Variants in LARGE1 observed in about 807,000 individuals in gnomAD.
LARGE1 encodes the protein LARGE xylosyl- and glucuronyltransferase 1.
In LARGE1, 43 loss-of-function variants were observed where a neutral mutation model predicts 87.6. That is an observed-to-expected ratio of 0.49 (90% CI 0.38 to 0.63). The LOEUF is 0.63. Among genes scored for constraint, LARGE1 ranks in the 30% least tolerant of loss-of-function variants. The probability of loss-of-function intolerance (pLI) is 0.00; values close to 1 mark genes in which losing one functional copy is unlikely to be tolerated. For missense variants in LARGE1, 802 were observed against 1,000.2 expected, an observed-to-expected ratio of 0.80 and a Z score of 2.67; for synonymous variants, 434 against 394.6, an observed-to-expected ratio of 1.10 and a Z score of -1.18.
At chr22:33,422,844 C>T (rs2066742330) in intron 7 of LARGE1, among the ~76,000 whole-genome samples, 1 of 152,062 alleles carries the variant, frequency 6.6e-6, no homozygotes, top group Admixed American at 6.6e-5. Flanking sequence ...GGTGCTAAAC[C>T]ATTCATGAGA....
Position 33,246,923 on chromosome 22 carries a change from A to G in LARGE1, c.1730+57306T>C, listed in dbSNP as rs564655943. On this transcript the variant is annotated intron_variant, in intron 11 of 11. Coordinates refer to the LARGE1 transcript ENST00000608642. ...GTGCTGGGATCTATGCCAACAGTACACATAAATTTTTTCTAGCATTTTATT... is the reference window on the plus strand; with the variant it reads ...GTGCTGGGATCTATGCCAACAGTACGCATAAATTTTTTCTAGCATTTTATT... Among the ~76,000 whole-genome samples, 27 of 152,354 alleles carry G rather than the reference A, an allele frequency of 1.8e-4. No individual in the cohort carries two copies. The South Asian group carries it at 5.6e-3, about 32-fold the overall frequency.
At chr22:33,903,334 T>C (rs2146912555) in intron 1 of LARGE1, among the ~76,000 whole-genome samples, 1 of 152,328 alleles carries the variant, frequency 6.6e-6, no homozygotes, top group African/African-American at 2.4e-5. Context: ...ACTTCCAGCC[T>C]CTAGGACAGT....
rs374257204 is a variant in LARGE1, at chr22:33,304,236, A to T, written c.1723T>A (p.Tyr575Asn). The change falls in exon 12 of 15, where the codon TAC becomes AAC. Residue 575 changes from tyrosine to asparagine, a missense_variant. Physicochemically the swap from Tyr to Asn is moderately radical, Grantham distance 143. Coordinates refer to ENST00000397394, the MANE Select transcript of LARGE1 (RefSeq NM_133642.5). The part of the protein sequence containing the change: ...DFLPMYGLYE[Y>N]LRKSVIQLDL... ...GCCCCTGCAGGTCCTTACCTGAGGT[A>T]CTCATAGAGCCCATACATGGGCAGG... The T allele has an allele frequency of 1.2e-6, 2 of 1,614,088 alleles. No homozygotes were observed. Among genetic ancestry groups the T allele is most frequent in the African/African-American group, 2.7e-5 (2 of 74,952 alleles).
chr22:33,260,415 G>A (rs1210194950), intron 11 of LARGE1, among the ~76,000 whole-genome samples: 1 of 152,258 alleles, frequency 6.6e-6, no homozygotes, highest in Non-Finnish European at 1.5e-5. Flanking sequence ...TGTGCTAGCT[G>A]GAAGGCATGG....
chr22:33,130,085 CGGGCG>C, the LARGE1 span, among the ~76,000 whole-genome samples: 3 of 151,924 alleles, frequency 2.0e-5, no homozygotes, highest in East Asian at 5.8e-4. Flanking sequence ...GAGGCCAAGG[CGGGCG>C]GATCACAAGG....
chr22:33,200,040 G>A (rs1194382267), intron 11 of LARGE1, among the ~76,000 whole-genome samples: 1 of 151,888 alleles, frequency 6.6e-6, no homozygotes, highest in Non-Finnish European at 1.5e-5. Context: ...GTAGAGATGG[G>A]GTTTCACCAT....
the LARGE1 span, among the ~76,000 whole-genome samples, chr22:33,115,415 G>A: frequency 6.0e-5 from 9 of 149,482 alleles, no homozygotes; most frequent in South Asian, 2.1e-4. Flanking sequence ...ATTCTCCATC[G>A]CTCCTGCCTG....
chr22:33,830,453 G>A (rs1013745278), intron 1 of LARGE1, among the ~76,000 whole-genome samples: 1 of 152,134 alleles, frequency 6.6e-6, no homozygotes, highest in East Asian at 1.9e-4. Context: ...GTTCAAAGCT[G>A]ACTCTTGTGC....
rs148175948 is a variant in LARGE1 at position 33,473,194 on chromosome 22, G to T, written c.788-40929C>A. Among the ~76,000 whole-genome samples the T allele has an allele frequency of 3.3e-5, 5 of 150,630 alleles. No individual in the cohort carries two copies. The East Asian group carries it at 9.7e-4, about 29-fold the overall frequency. Reference sequence around the variant, plus strand: ...TTTTTTTTTTTTTCTTTGAGATGGAGTTTCACTCTTATTGCCCAGGCTGGA... The same window carrying T: ...TTTTTTTTTTTTTCTTTGAGATGGATTTTCACTCTTATTGCCCAGGCTGGA... On this transcript the variant is annotated intron_variant, in intron 6 of 14. Coordinates refer to ENST00000397394, the MANE Select transcript of LARGE1 (RefSeq NM_133642.5).
chr22:33,608,945 A>T (rs2079343201), intron 4 of LARGE1, among the ~76,000 whole-genome samples: 1 of 152,244 alleles, frequency 6.6e-6, no homozygotes, highest in African/African-American at 2.4e-5. Context: ...GTAAAGTACT[A>T]CCTGATATAT....
intron 1 of LARGE1, among the ~76,000 whole-genome samples, chr22:33,859,520 G>C (rs2063851918): frequency 6.6e-6 from 1 of 152,194 alleles, no homozygotes; most frequent in African/African-American, 2.4e-5. Flanking sequence ...CAGGCCCAAA[G>C]CAGTTTCAGG....
intron 1 of LARGE1, among the ~76,000 whole-genome samples, chr22:33,788,326 T>G (rs992594559): frequency 1.3e-5 from 2 of 152,216 alleles, no homozygotes; most frequent in Non-Finnish European, 2.9e-5. Context: ...TGTGGAACTG[T>G]GAGTCCATTA....
At chr22:33,440,448 C>T (rs2067425752) in intron 6 of LARGE1, among the ~76,000 whole-genome samples, 1 of 152,160 alleles carries the variant, frequency 6.6e-6, no homozygotes, top group Admixed American at 6.5e-5. Flanking sequence ...GCTGATCAAA[C>T]CGGCTGTGCT....
chr22:33,578,088 C>CGTG (rs1205044335), intron 5 of LARGE1, among the ~76,000 whole-genome samples: 1 of 152,074 alleles, frequency 6.6e-6, no homozygotes, highest in African/African-American at 2.4e-5. Flanking sequence ...AGATTTAGAC[C>CGTG]GTGGTAATAT....
chr22:33,596,073 G>A (rs1024561315), intron 5 of LARGE1, among the ~76,000 whole-genome samples: 4 of 152,192 alleles, frequency 2.6e-5, no homozygotes, highest in African/African-American at 9.6e-5. Flanking sequence ...TATTATAGAA[G>A]AAAGTGGAAG....
chr22:33,749,060 G>A (rs2084211729), intron 2 of LARGE1, among the ~76,000 whole-genome samples: 1 of 152,246 alleles, frequency 6.6e-6, no homozygotes, highest in African/African-American at 2.4e-5. Flanking sequence ...AATGACCACT[G>A]TCGGATGTAA....
chr22:33,867,800 T>C lies in LARGE1; in HGVS notation c.-83+52195A>G, dbSNP rs140705011. ...TCACAACGTTGTTAGTAGGATTACA[T>C]GAGAGAACTTAAATAAAGTGCCCAA... On this transcript the variant is annotated intron_variant, in intron 1 of 14. Transcript: ENST00000397394. 5.1e-3 allele frequency among the ~76,000 whole-genome samples: 771 copies of C among 152,276 alleles called. 4 individuals carry two copies. The highest frequency in any genetic ancestry group is 8.8e-3 in the Non-Finnish European group (599 of 68,018).
chr22:33,294,577 A>G (rs1047942114), intron 12 of LARGE1, among the ~76,000 whole-genome samples: 1 of 151,916 alleles, frequency 6.6e-6, no homozygotes, highest in Non-Finnish European at 1.5e-5. Context: ...GCCTCCCCGT[A>G]CCTCCCTTCC....
Position 33,850,447 on chromosome 22 carries a change from G to A in LARGE1, c.-83+69548C>T, listed in dbSNP as rs1188243998. On this transcript the variant is annotated intron_variant, in intron 1 of 14. Coordinates refer to ENST00000397394, the MANE Select transcript of LARGE1 (RefSeq NM_133642.5). ...CTGTGGGTGGGTAATTTAACCTCTA[G>A]GTTTCCGCCTCCTCATTTGCAAAGA... 3.3e-5 allele frequency among the ~76,000 whole-genome samples: 5 copies of A among 152,130 alleles called. No individual in the cohort carries two copies. The East Asian group carries it at 9.6e-4, about 29-fold the overall frequency.
Sources: allele counts gnomAD v4.1 joint callset (sites outside exome capture counted in the v4.1 genomes callset), GRCh38; gene constraint gnomAD v4.1.1; transcripts MANE v1.5; gene names NCBI Gene and HGNC (gene_info 2026-07-23, HGNC 2026-07-21).